RAD17: variants seen among roughly 807,000 people sequenced by gnomAD.
RAD17 encodes the protein cell cycle checkpoint protein RAD17.
Under a neutral mutation model 81.5 loss-of-function variants are expected in RAD17, and 31 were observed. That is an observed-to-expected ratio of 0.38 (90% CI 0.29 to 0.51). RAD17 has a LOEUF of 0.51. RAD17 is among the 20% of genes least tolerant of loss of function. RAD17 has a pLI of 0.88. For missense variants in RAD17, 681 were observed against 781.2 expected (o/e 0.87, Z 1.53); for synonymous variants, 261 against 266.2 (o/e 0.98, Z 0.19).
At position 69,384,809 on chromosome 5, in the gene RAD17, A is replaced by C; in HGVS notation, c.521A>C (p.His174Pro). ...TGTTTCCTTTCAGAATCAAGCTTCC[A>C]TATGTTTCCCTATCAGTCTCAGATA... Reference protein sequence around the residue: ...KGMFNTESSFHMFPYQSQIAV... With the variant: ...KGMFNTESSFPMFPYQSQIAV... Residue 174 changes from histidine to proline, a missense_variant, in exon 8 of 19, where the codon CAT becomes CCT. His to Pro is a moderately conservative substitution (Grantham distance 77). Coordinates refer to ENST00000354868, the MANE Select transcript of RAD17 (RefSeq NM_133338.3). 6.2e-7 allele frequency: 1 copy of C among 1,603,918 alleles called. No individual in the cohort carries two copies. The highest frequency in any genetic ancestry group is 8.5e-7 in the Non-Finnish European group (1 of 1,176,322).
rs1324499949 is a variant in RAD17, at chr5:69,414,181, G to A, written c.1902G>A (p.Leu634=). 1 of 1,614,092 alleles carries A rather than the reference G, an allele frequency of 6.2e-7. No homozygotes were observed. The highest frequency in any genetic ancestry group is 8.5e-7 in the Non-Finnish European group (1 of 1,180,050). Reference sequence around the variant, plus strand: ...TGCCGGAAACCTGGTCTCTTCCTTTGAGTCAGAATAGTGCCAGTGAACTGC... The same window carrying A: ...TGCCGGAAACCTGGTCTCTTCCTTTAAGTCAGAATAGTGCCAGTGAACTGC... ...ATVPETWSLP[L]SQNSASELPA... Residue 634 remains leucine (L), a synonymous_variant, in exon 19 of 19, where the codon TTG becomes TTA. Transcript: ENST00000354868.
chr5:69,397,566 CCAGCCTGGT>C (rs1764974125), intron 16 of RAD17, among the ~76,000 whole-genome samples: 1 of 151,602 alleles, frequency 6.6e-6, no homozygotes, highest in Non-Finnish European at 1.5e-5. Context: ...GAGTTTGAGA[CCAGCCTGGT>C]CAACATAGTG....
chr5:69,394,119 A>G (rs572108793), intron 15 of RAD17, among the ~76,000 whole-genome samples: 5 of 145,938 alleles, frequency 3.4e-5, no homozygotes, highest in Non-Finnish European at 6.0e-5. Flanking sequence ...CAGTGGTACA[A>G]ACATGGTTCA....
chr5:69,406,158 A>ATTGGAT (rs1298959960), intron 17 of RAD17, among the ~76,000 whole-genome samples: 9 of 152,146 alleles, frequency 5.9e-5, no homozygotes, highest in African/African-American at 2.2e-4. Context: ...CTAATTGTCC[A>ATTGGAT]TTGGATGAGG....
At chr5:69,392,769 A>T (rs1202794169) in intron 13 of RAD17, 2 of 447,024 alleles carry the variant, frequency 4.5e-6, no homozygotes, top group South Asian at 1.6e-5. Context: ...CTCTTGCATT[A>T]GTGAATGGAA....
intron 18 of RAD17, among the ~76,000 whole-genome samples, chr5:69,413,266 C>A (rs1174391097): frequency 6.6e-6 from 1 of 151,960 alleles, no homozygotes. Flanking sequence ...CATGGTGAAA[C>A]CCCATCTCTA....
At position 69,384,858 on chromosome 5, in the gene RAD17, A is replaced by G. The variant is rs1764081683; in HGVS notation, c.570A>G (p.Leu190=). The change falls in exon 8 of 19, where the codon CTA becomes CTG. Residue 190 remains leucine, a synonymous_variant. Transcript: ENST00000354868. Reference sequence around the variant, plus strand: ...TAGCAGTTTTCAAAGAGTTTCTACTAAGAGCGACAAAGTATAACAAGTTAC... The same window carrying G: ...TAGCAGTTTTCAAAGAGTTTCTACTGAGAGCGACAAAGTATAACAAGTTAC... The part of the protein sequence containing the change: ...SQIAVFKEFL[L]RATKYNKLQM... 1 of 1,612,706 alleles carries G rather than the reference A, an allele frequency of 6.2e-7. No individual in the cohort carries two copies. The highest frequency in any genetic ancestry group is 8.5e-7 in the Non-Finnish European group (1 of 1,178,838).
intron 6 of RAD17, among the ~76,000 whole-genome samples, chr5:69,375,676 TTCTC>T (rs1382659159): frequency 6.6e-6 from 1 of 152,210 alleles, no homozygotes. Context: ...CATACCATTA[TTCTC>T]TCTAACAAAG....
chr5:69,404,284 C>G (rs1315036652), intron 17 of RAD17, among the ~76,000 whole-genome samples: 1 of 152,084 alleles, frequency 6.6e-6, no homozygotes, highest in Non-Finnish European at 1.5e-5. Flanking sequence ...CTCTGCACAG[C>G]AAAGGAAACA....
At position 69,393,480 on chromosome 5, in the gene RAD17, A is replaced by G. The variant is rs1251138779; in HGVS notation, c.1402A>G (p.Ile468Val). The G allele has an allele frequency of 6.2e-7, 1 of 1,610,036 alleles. No homozygotes were observed. Among genetic ancestry groups the G allele is most frequent in the Admixed American group, 1.7e-5 (1 of 58,690 alleles). Reference sequence around the variant, plus strand: ...CAGTGAATTTCTGAGTTTTGCAGATATCCTCAGTGGTGACTGGAATGTAAG... The same window carrying G: ...CAGTGAATTTCTGAGTTTTGCAGATGTCCTCAGTGGTGACTGGAATGTAAG... Reference protein sequence around the residue: ...RASEFLSFADILSGDWNTRSL... With the variant: ...RASEFLSFADVLSGDWNTRSL... The change falls in exon 15 of 19, where the codon ATC becomes GTC. Residue 468 changes from isoleucine (I) to valine (V), a missense_variant. Coordinates refer to ENST00000354868, the MANE Select transcript of RAD17 (RefSeq NM_133338.3).
intron 13 of RAD17, 92 bp from the exon 14 acceptor site, chr5:69,393,063 G>A: frequency 1.4e-6 from 1 of 729,842 alleles, no homozygotes; most frequent in Non-Finnish European, 2.2e-6. Flanking sequence ...TGTTGGTATT[G>A]TATGTCTAAA....
intron 3 of RAD17, 148 bp downstream of exon 3, chr5:69,371,705 T>G: frequency 2.1e-6 from 1 of 465,402 alleles, no homozygotes; most frequent in Non-Finnish European, 3.5e-6. Flanking sequence ...GGTAATAAGT[T>G]GTGAAACAAG....
Position 69,384,924 on chromosome 5 carries a change from T to G in RAD17, c.636T>G (p.Ile212Met), listed in dbSNP as rs773491726. ...ATCTGAGAACTGATAAGAAGATAAT[T>G]CTGGTTGAAGTAAGGACAACTTTTA... ...GDDLRTDKKI[I>M]LVEDLPNQFY... Residue 212 changes from isoleucine (I) to methionine (M), a missense_variant, in exon 8 of 19, where the codon ATT becomes ATG. Coordinates refer to ENST00000354868, the MANE Select transcript of RAD17 (RefSeq NM_133338.3). 1 of 1,592,874 alleles carries G rather than the reference T, an allele frequency of 6.3e-7. No homozygotes were observed. Among genetic ancestry groups the G allele is most frequent in the African/African-American group, 1.4e-5 (1 of 73,442 alleles).
chr5:69,394,097 C>G (rs1030030654), intron 15 of RAD17, among the ~76,000 whole-genome samples: 1 of 146,318 alleles, frequency 6.8e-6, no homozygotes, highest in African/African-American at 2.5e-5. Context: ...CTTTTTTGCC[C>G]ACGCTGGAGT....
chr5:69,372,291 T>C lies in RAD17; in HGVS notation c.9+74T>C. Reference sequence around the variant, plus strand: ...TGCCGATAATATTCCTAACTCTGTCTTAAAAGAAGAGTGAAGTGTGACTTA... The same window carrying C: ...TGCCGATAATATTCCTAACTCTGTCCTAAAAGAAGAGTGAAGTGTGACTTA... On this transcript the variant is annotated intron_variant, in intron 4 of 18. Transcript: ENST00000354868. 3.0e-6 allele frequency: 4 copies of C among 1,321,038 alleles called. No homozygotes were observed. In the South Asian group the frequency reaches 4.8e-5, roughly 16 times the overall value. 81.8% of individuals were successfully genotyped at this position (1,321,038 alleles called of 1,614,324 possible).
chr5:69,389,140 C>A lies in RAD17; in HGVS notation c.1001C>A (p.Ser334Ter). The change falls in exon 12 of 19, where the codon TCA becomes TAA. Residue 334 changes from serine to a stop codon, truncating the protein, a stop_gained. Coordinates refer to ENST00000354868, the MANE Select transcript of RAD17 (RefSeq NM_133338.3). LOFTEE classifies it high-confidence loss of function. ...ATAAACAGCCTCCAGTTTTCTTCTT[C>A]AAAAGGTAACTATGGAAGATACAGT... ...SAINSLQFSS[S>*]KGENNLRPRK... 6.4e-7 allele frequency: 1 copy of A among 1,566,020 alleles called. No individual in the cohort carries two copies. The highest frequency in any genetic ancestry group is 8.7e-7 in the Non-Finnish European group (1 of 1,151,898).
upstream of RAD17, chr5:69,369,305 C>T: frequency 2.8e-6 from 2 of 720,494 alleles, no homozygotes; most frequent in Non-Finnish European, 2.1e-6. Context: ...CCGCAACGCC[C>T]GCGAGGGTCG....
At chr5:69,378,565 G>A (rs995910259) in intron 6 of RAD17, among the ~76,000 whole-genome samples, 1 of 152,192 alleles carries the variant, frequency 6.6e-6, no homozygotes, top group Non-Finnish European at 1.5e-5. Context: ...CTGTAAAGTT[G>A]CTGAATTAGC....
chr5:69,400,392 A>G (rs910296965), intron 17 of RAD17, among the ~76,000 whole-genome samples: 2 of 151,312 alleles, frequency 1.3e-5, no homozygotes, highest in African/African-American at 2.4e-5. Flanking sequence ...TAATTTTTGT[A>G]TTTTTAGTAG....
Sources: gnomAD v4.1 joint callset for allele counts (sites outside exome capture counted in the v4.1 genomes callset) on GRCh38, gnomAD v4.1.1 for gene constraint, MANE v1.5 for transcripts, NCBI Gene and HGNC (gene_info 2026-07-23, HGNC 2026-07-21) for gene names.